C10orf67: variants seen among roughly 807,000 people sequenced by gnomAD.
The protein encoded by C10orf67 is chromosome 10 open reading frame 67, also known as uncharacterized protein C10orf67, mitochondrial.
A neutral mutation model predicts 35.6 loss-of-function variants in C10orf67; 60 were observed. The observed-to-expected ratio is 1.68, with a 90% confidence interval of 1.37 to 2.09. The LOEUF (loss-of-function observed/expected upper bound fraction) is 2.09, where lower values mean the gene tolerates loss of function less well. Ranked by LOEUF, C10orf67 falls within the 30% of genes most tolerant of loss-of-function variation. The probability of loss-of-function intolerance (pLI) is 0.00; values close to 1 mark genes in which losing one functional copy is unlikely to be tolerated. For missense variants in C10orf67, 474 were observed against 330.2 expected (o/e 1.44, Z -3.38); for synonymous variants, 167 against 115.8 (o/e 1.44, Z -2.84).
At chr10:23,239,369 G>T (rs1211746592) in intron 13 of C10orf67, among the ~76,000 whole-genome samples, 1 of 152,138 alleles carries the variant, frequency 6.6e-6, no homozygotes, top group Non-Finnish European at 1.5e-5. Context: ...GATGTGACTG[G>T]AAGCTTAGAC....
At chr10:23,271,329 C>A (rs1222820685) in intron 8 of C10orf67, among the ~76,000 whole-genome samples, 1 of 152,196 alleles carries the variant, frequency 6.6e-6, no homozygotes, top group African/African-American at 2.4e-5. Flanking sequence ...TTAATGTATA[C>A]CAGAGGTGTT....
chr10:23,238,400 A>G (rs12769114), intron 13 of C10orf67, among the ~76,000 whole-genome samples: 5,690 of 152,268 alleles, frequency 0.037, 163 homozygotes, highest in Non-Finnish European at 0.054. Flanking sequence ...AGATTCATAA[A>G]CTTTGAATCC....
intron 4 of C10orf67, among the ~76,000 whole-genome samples, chr10:23,305,233 G>C (rs78609147): frequency 9.9e-5 from 15 of 152,170 alleles, no homozygotes; most frequent in African/African-American, 3.6e-4. Flanking sequence ...CATTTGATAA[G>C]TAAATCAAAA....
At chr10:23,209,906 G>A (rs1454737336) in intron 15 of C10orf67, among the ~76,000 whole-genome samples, 1 of 149,296 alleles carries the variant, frequency 6.7e-6, no homozygotes, top group Non-Finnish European at 1.5e-5. Context: ...AGGCTGAAGT[G>A]GAAGGATCAC....
At chr10:23,300,278 C>T (rs1405964727) in intron 5 of C10orf67, among the ~76,000 whole-genome samples, 1 of 152,180 alleles carries the variant, frequency 6.6e-6, no homozygotes, top group Non-Finnish European at 1.5e-5. Context: ...ATAGACCGCA[C>T]TGGAAGCAAG....
chr10:23,260,093 T>C (rs1842707459), intron 10 of C10orf67, among the ~76,000 whole-genome samples: 1 of 152,126 alleles, frequency 6.6e-6, no homozygotes, highest in Admixed American at 6.5e-5. Context: ...AGATACTTTA[T>C]TATCCAGCTG....
chr10:23,297,663 C>A (rs1380602669), intron 5 of C10orf67, among the ~76,000 whole-genome samples: 1 of 152,170 alleles, frequency 6.6e-6, no homozygotes, highest in Admixed American at 6.5e-5. Context: ...TCTAAAAGGT[C>A]CCCCTGAGCG....
intron 5 of C10orf67, among the ~76,000 whole-genome samples, chr10:23,296,214 G>A (rs1326630097): frequency 1.3e-5 from 2 of 151,832 alleles, no homozygotes; most frequent in South Asian, 2.1e-4. Flanking sequence ...ATTTAATAGA[G>A]TTAAATAGAG....
intron 15 of C10orf67, among the ~76,000 whole-genome samples, chr10:23,220,919 G>T (rs955832677): frequency 2.0e-5 from 3 of 152,124 alleles, no homozygotes; most frequent in African/African-American, 7.2e-5. Flanking sequence ...TATTCCATAG[G>T]ATACTTTAAA....
intron 8 of C10orf67, among the ~76,000 whole-genome samples, chr10:23,273,573 G>T (rs186826956): frequency 2.2e-4 from 34 of 152,262 alleles, no homozygotes; most frequent in African/African-American, 7.9e-4. Flanking sequence ...TGCAGATGAG[G>T]CTCCTTGAGT....
intron 13 of C10orf67, among the ~76,000 whole-genome samples, chr10:23,239,001 AAAG>A (rs1456584938): frequency 1.3e-5 from 2 of 152,184 alleles, no homozygotes; most frequent in South Asian, 2.1e-4. Flanking sequence ...AAAATTTCAG[AAAG>A]AAGATGATTT....
intron 3 of C10orf67, 47 bp from the exon 4 acceptor site, chr10:23,320,862 T>C (rs967137439): frequency 7.8e-7 from 1 of 1,285,948 alleles, no homozygotes; most frequent in African/African-American, 1.5e-5. Flanking sequence ...TATTTCCAAA[T>C]ATGACCCACA....
intron 12 of C10orf67, among the ~76,000 whole-genome samples, chr10:23,242,431 A>T (rs1183333987): frequency 6.6e-6 from 1 of 152,234 alleles, no homozygotes; most frequent in Non-Finnish European, 1.5e-5. Context: ...AAGAAACAAA[A>T]AATGAAAGAG....
chr10:23,248,168 G>A (rs1041433276), intron 12 of C10orf67, among the ~76,000 whole-genome samples: 1 of 152,214 alleles, frequency 6.6e-6, no homozygotes. Flanking sequence ...GTGGGCAAAA[G>A]TGAGTCCATC....
chr10:23,317,755 C>T (rs1234501739), intron 4 of C10orf67: 4 of 151,992 alleles, frequency 2.6e-5, no homozygotes, highest in Non-Finnish European at 5.9e-5. Flanking sequence ...AGATAATGCT[C>T]ATTTTCCCTC....
intron 8 of C10orf67, among the ~76,000 whole-genome samples, chr10:23,276,687 T>C (rs1843198477): frequency 6.6e-6 from 1 of 152,166 alleles, no homozygotes; most frequent in African/African-American, 2.4e-5. Flanking sequence ...TACCCTTGTA[T>C]TCCATCTAGG....
chr10:23,339,156 CAG>C (rs1424128946), intron 1 of C10orf67, among the ~76,000 whole-genome samples: 3 of 152,100 alleles, frequency 2.0e-5, no homozygotes, highest in Non-Finnish European at 4.4e-5. Flanking sequence ...GAAAACATAA[CAG>C]AAATTCTATT....
chr10:23,234,734 G>T (rs1050031079), intron 13 of C10orf67, among the ~76,000 whole-genome samples: 15 of 151,554 alleles, frequency 9.9e-5, no homozygotes, highest in Admixed American at 5.3e-4. Context: ...GGTAAATAAG[G>T]TCGGGCACAG....
intron 15 of C10orf67, among the ~76,000 whole-genome samples, chr10:23,211,761 G>A: frequency 6.6e-6 from 1 of 152,166 alleles, no homozygotes; most frequent in East Asian, 1.9e-4. Context: ...GAAGAGAACT[G>A]ATTTGAACAC....
Sources: gnomAD v4.1 joint callset for allele counts (sites outside exome capture counted in the v4.1 genomes callset) on GRCh38, gnomAD v4.1.1 for gene constraint, MANE v1.5 for transcripts, NCBI Gene and HGNC (gene_info 2026-07-23, HGNC 2026-07-21) for gene names.